KCTD16: variants seen among roughly 807,000 people sequenced by gnomAD.
The protein encoded by KCTD16 is BTB/POZ domain-containing protein KCTD16.
In KCTD16, 13 loss-of-function variants were observed where a neutral mutation model predicts 33.2. The ratio of observed to expected loss-of-function variants is 0.39; its 90% CI spans 0.25 to 0.62. The LOEUF is 0.62. KCTD16 is among the 20% of genes least tolerant of loss of function. KCTD16 has a pLI of 0.50. For missense variants in KCTD16, 441 were observed against 525.1 expected, an observed-to-expected ratio of 0.84 and a Z score of 1.57; for synonymous variants, 197 against 195.3, an observed-to-expected ratio of 1.01 and a Z score of -0.07.
intron 3 of KCTD16, among the ~76,000 whole-genome samples, chr5:144,292,375 G>T (rs1185903769): frequency 1.3e-5 from 2 of 152,164 alleles, no homozygotes; most frequent in African/African-American, 2.4e-5. Flanking sequence ...TTCTGTATAG[G>T]GTGGGGTGAA....
intron 2 of KCTD16, among the ~76,000 whole-genome samples, chr5:144,175,823 A>C (rs1303760168): frequency 6.6e-6 from 1 of 152,228 alleles, no homozygotes; most frequent in Non-Finnish European, 1.5e-5. Context: ...AAATATTTGC[A>C]ATAATTATTG....
chr5:144,324,228 T>C (rs1752147421), intron 3 of KCTD16, among the ~76,000 whole-genome samples: 1 of 152,200 alleles, frequency 6.6e-6, no homozygotes, highest in Admixed American at 6.6e-5. Context: ...CAGTATTTTC[T>C]GAGCAGCCTG....
chr5:144,290,150 C>A (rs1375594737), intron 3 of KCTD16, among the ~76,000 whole-genome samples: 1 of 151,934 alleles, frequency 6.6e-6, no homozygotes, highest in East Asian at 1.9e-4. Context: ...CAAAAATTAT[C>A]CAGGCAAGGA....
chr5:144,229,821 A>G (rs931510213), intron 3 of KCTD16, among the ~76,000 whole-genome samples: 1 of 152,216 alleles, frequency 6.6e-6, no homozygotes, highest in African/African-American at 2.4e-5. Flanking sequence ...GTCATTCATT[A>G]ACAAAGACTT....
chr5:144,421,552 G>C (rs1387734252), intron 3 of KCTD16, among the ~76,000 whole-genome samples: 1 of 152,154 alleles, frequency 6.6e-6, no homozygotes, highest in Non-Finnish European at 1.5e-5. Context: ...TTGAATGCCA[G>C]TGGGGTAAGA....
intron 3 of KCTD16, among the ~76,000 whole-genome samples, chr5:144,468,354 C>T (rs1470117911): frequency 1.3e-5 from 2 of 152,190 alleles, no homozygotes; most frequent in Non-Finnish European, 2.9e-5. Flanking sequence ...GTTCAGGTAA[C>T]TGGTGAGGTG....
chr5:144,421,702 C>T (rs1023656544), intron 3 of KCTD16, among the ~76,000 whole-genome samples: 4 of 152,184 alleles, frequency 2.6e-5, no homozygotes, highest in African/African-American at 4.8e-5. Flanking sequence ...TGGCAGCTTT[C>T]GGCACATTCC....
chr5:144,385,202 C>T (rs969170998), intron 3 of KCTD16: 2 of 152,142 alleles, frequency 1.3e-5, no homozygotes, highest in Admixed American at 1.3e-4. Context: ...GCTATAACCT[C>T]TCAATAAAAT....
rs79299327 is a variant in KCTD16 at position 144,423,254 on chromosome 5, T to A, written c.833-50406T>A. Among the ~76,000 whole-genome samples the A allele has an allele frequency of 7.2e-5, 11 of 152,196 alleles. No individual in the cohort carries two copies. In the East Asian group the frequency reaches 1.9e-3, roughly 27 times the overall value. ...TCACATAAGATTACATGGGCTCCAG[T>A]AGAGTCAGGATTTTATTAAGGGAAC... On this transcript the variant is annotated intron_variant, in intron 3 of 3. Coordinates refer to ENST00000512467, the MANE Select transcript of KCTD16 (RefSeq NM_020768.4).
chr5:144,471,586 G>A (rs1423730217), intron 3 of KCTD16, among the ~76,000 whole-genome samples: 9 of 152,238 alleles, frequency 5.9e-5, no homozygotes, highest in South Asian at 2.1e-4. Context: ...AGGGGTTGCC[G>A]AGTTTGGGGA....
chr5:144,323,883 T>C (rs1299026240), intron 3 of KCTD16, among the ~76,000 whole-genome samples: 1 of 152,176 alleles, frequency 6.6e-6, no homozygotes, highest in Admixed American at 6.6e-5. Context: ...ATCACTTGAA[T>C]TCAAGATGTA....
chr5:144,220,758 G>A (rs1338431710), intron 3 of KCTD16, among the ~76,000 whole-genome samples: 5 of 151,994 alleles, frequency 3.3e-5, no homozygotes, highest in East Asian at 1.9e-4. Flanking sequence ...TGGCTAACAC[G>A]GTGAAACCCC....
At chr5:144,461,116 T>C (rs1754184795) in intron 3 of KCTD16, among the ~76,000 whole-genome samples, 1 of 152,156 alleles carries the variant, frequency 6.6e-6, no homozygotes, top group African/African-American at 2.4e-5. Context: ...TGTAAGATAT[T>C]GAGCATTTAT....
At chr5:144,384,210 T>C (rs1752276144) in intron 3 of KCTD16, 1 of 152,192 alleles carries the variant, frequency 6.6e-6, no homozygotes, top group Non-Finnish European at 1.5e-5. Flanking sequence ...TCTACGTGTA[T>C]CCAAACCTTT....
rs559064683 is a variant in KCTD16 at position 144,213,419 on chromosome 5, CTCTT to C, written c.832+5879_832+5882del. On this transcript the variant is annotated intron_variant, in intron 3 of 3. Transcript: ENST00000512467. ...TCTCTCTCTTTCTTTTTTTCTCTCT[CTCTT>C]TCTTTTTCTTTCTCCTCTTTTTTAC... 2.0e-3 allele frequency among the ~76,000 whole-genome samples: 300 copies of C among 150,266 alleles called. 2 individuals carry two copies. The highest frequency in any genetic ancestry group is 6.8e-3 in the African/African-American group (278 of 40,830).
intron 3 of KCTD16, among the ~76,000 whole-genome samples, chr5:144,394,825 G>A (rs991638119): frequency 1.3e-5 from 2 of 152,174 alleles, no homozygotes; most frequent in Admixed American, 6.5e-5. Flanking sequence ...CTAGCCATGC[G>A]GAACTGTGAA....
chr5:144,273,463 C>T (rs750071221), intron 3 of KCTD16, among the ~76,000 whole-genome samples: 3 of 152,174 alleles, frequency 2.0e-5, no homozygotes, highest in African/African-American at 7.2e-5. Flanking sequence ...AGCAGTCCCA[C>T]CTTTGGGTAT....
intron 2 of KCTD16, among the ~76,000 whole-genome samples, chr5:144,182,085 CA>C (rs371259746): frequency 5.4e-3 from 648 of 119,242 alleles, no homozygotes; most frequent in Middle Eastern, 9.0e-3. Context: ...AACTCCATCT[CA>C]AAAAAAAAAA....
At chr5:144,387,553 G>T (rs1477428622) in intron 3 of KCTD16, among the ~76,000 whole-genome samples, 1 of 152,082 alleles carries the variant, frequency 6.6e-6, no homozygotes, top group Admixed American at 6.5e-5. Flanking sequence ...CATAAAGAAA[G>T]AATCAGGTAC....
Sources: allele counts gnomAD v4.1 joint callset (sites outside exome capture counted in the v4.1 genomes callset), GRCh38; gene constraint gnomAD v4.1.1; transcripts MANE v1.5; gene names NCBI Gene and HGNC (gene_info 2026-07-23, HGNC 2026-07-21).